The following RORB variants were observed in gnomAD, a reference collection of about 807,000 sequenced individuals.
RORB encodes nuclear receptor ROR-beta.
RORB carries 6 observed loss-of-function variants against 59.1 expected under a neutral mutation model. That is an observed-to-expected ratio of 0.10 (90% CI 0.06 to 0.20). RORB has a LOEUF of 0.20. Among genes scored for constraint, RORB ranks in the 10% least tolerant of loss-of-function variants. The pLI, the probability that RORB is intolerant of heterozygous loss-of-function variation, is 1.00. For missense variants in RORB, 320 were observed against 560.5 expected, an observed-to-expected ratio of 0.57 and a Z score of 4.33; for synonymous variants, 215 against 204.5, an observed-to-expected ratio of 1.05 and a Z score of -0.44.
chr9:74,543,023 T>A (rs977595105), intron 1 of RORB, among the ~76,000 whole-genome samples: 1 of 152,258 alleles, frequency 6.6e-6, no homozygotes, highest in African/African-American at 2.4e-5. Flanking sequence ...CCCAGCATAC[T>A]GCCTGGCATA....
intron 7 of RORB, 121 bp downstream of exon 7, chr9:74,665,716 T>A (rs548065475): frequency 4.6e-6 from 3 of 653,974 alleles, no homozygotes; most frequent in Non-Finnish European, 8.2e-6. Context: ...CATTATTCGA[T>A]AAGCGATGGA....
intron 8 of RORB, among the ~76,000 whole-genome samples, chr9:74,670,505 A>T (rs929108803): frequency 1.3e-5 from 2 of 152,224 alleles, no homozygotes; most frequent in Non-Finnish European, 2.9e-5. Context: ...TTTCTAGAAA[A>T]AAAACATACT....
intron 1 of RORB, among the ~76,000 whole-genome samples, chr9:74,628,523 G>GT (rs1231591981): frequency 6.6e-6 from 1 of 151,970 alleles, no homozygotes; most frequent in Non-Finnish European, 1.5e-5. Context: ...CAACACTGAG[G>GT]TTTTTTGCTT....
rs77801738 is a variant in RORB at position 74,550,470 on chromosome 9, G to A, written c.7+52487G>A. On this transcript the variant is annotated intron_variant, in intron 1 of 9. Coordinates refer to ENST00000376896, the MANE Select transcript of RORB (RefSeq NM_006914.4). ...GTAAGCTTTGAAAGCTCTACAAGTGGTCTTATCGACTAGCTAGGGTTGAGA... is the reference window on the plus strand; with the variant it reads ...GTAAGCTTTGAAAGCTCTACAAGTGATCTTATCGACTAGCTAGGGTTGAGA... Among the ~76,000 whole-genome samples, 939 of 152,286 alleles carry A rather than the reference G, an allele frequency of 6.2e-3. 9 individuals are homozygous for A. Among genetic ancestry groups the A allele is most frequent in the African/African-American group, 0.021 (885 of 41,552 alleles).
chr9:74,542,775 C>T (rs1587351338), intron 1 of RORB, among the ~76,000 whole-genome samples: 1 of 152,254 alleles, frequency 6.6e-6, no homozygotes, highest in Non-Finnish European at 1.5e-5. Context: ...CTCCCAAGAA[C>T]ACATTTCTCA....
chr9:74,602,233 C>G (rs1823070492), intron 1 of RORB, among the ~76,000 whole-genome samples: 1 of 152,154 alleles, frequency 6.6e-6, no homozygotes, highest in Non-Finnish European at 1.5e-5. Flanking sequence ...CTTTTTTCCT[C>G]AGATAAAAAT....
At chr9:74,677,313 G>A (rs970853929) in intron 9 of RORB, among the ~76,000 whole-genome samples, 24 of 152,062 alleles carry the variant, frequency 1.6e-4, no homozygotes, top group African/African-American at 5.8e-4. Flanking sequence ...ACTACTTTGG[G>A]CATCTATGGT....
At chr9:74,634,523 T>G (rs1459280910) in intron 2 of RORB, 108 bp from the exon 3 acceptor site, 1 of 1,022,910 alleles carries the variant, frequency 9.8e-7, no homozygotes, top group Non-Finnish European at 1.3e-6. Flanking sequence ...GCTTTAAAAA[T>G]TAAACTCAGT....
chr9:74,654,333 GGAGAGAGAGAGA>G (rs60137307), intron 4 of RORB, among the ~76,000 whole-genome samples: 30,601 of 138,694 alleles, frequency 0.22, 3,499 homozygotes, highest in African/African-American at 0.32. Context: ...CAGTCTCAGG[GGAGAGAGAGAGA>G]GAGAGAGAGA....
chr9:74,690,557 A>G lies in RORB; in HGVS notation c.*4939A>G, dbSNP rs1408280038. The G allele has an allele frequency of 1.3e-5, 2 of 152,250 alleles. No individual in the cohort carries two copies. Among genetic ancestry groups the G allele is most frequent in the Non-Finnish European group, 2.9e-5 (2 of 68,070 alleles). The allele number at this position is 152,250 out of a possible 1,614,324, so 9.4% of individuals were successfully genotyped here. ...TACATCACTGAGCAGAAGAGGGCCC[A>G]TAGATCGTCAGCTTGCAGCCTCTGG... On this transcript the variant is annotated 3_prime_UTR_variant, in exon 10 of 10. Coordinates refer to ENST00000376896, the MANE Select transcript of RORB (RefSeq NM_006914.4).
At chr9:74,628,048 T>C (rs1823550153) in intron 1 of RORB, among the ~76,000 whole-genome samples, 1 of 152,156 alleles carries the variant, frequency 6.6e-6, no homozygotes, top group East Asian at 1.9e-4. Flanking sequence ...TCTATGAAGT[T>C]TGTCAGTTAA....
chr9:74,660,808 AT>A, intron 5 of RORB, 70 bp downstream of exon 5: 1 of 1,501,402 alleles, frequency 6.7e-7, no homozygotes, highest in South Asian at 1.3e-5. Context: ...GCTCAGCACT[AT>A]TGGCATGTTG....
At chr9:74,594,482 A>G (rs1822944146) in intron 1 of RORB, among the ~76,000 whole-genome samples, 1 of 152,246 alleles carries the variant, frequency 6.6e-6, no homozygotes, top group Non-Finnish European at 1.5e-5. Context: ...CATGAAAATC[A>G]TATATAAAAT....
chr9:74,578,059 A>T (rs964891261), intron 1 of RORB, among the ~76,000 whole-genome samples: 16 of 150,580 alleles, frequency 1.1e-4, no homozygotes, highest in African/African-American at 3.9e-4. Flanking sequence ...AGGACCTGAG[A>T]AGGTAAGTGG....
chr9:74,603,997 G>A (rs1050970984), intron 1 of RORB, among the ~76,000 whole-genome samples: 2 of 152,228 alleles, frequency 1.3e-5, no homozygotes, highest in Non-Finnish European at 2.9e-5. Context: ...GAACGGATCA[G>A]TGCAAGCTGG....
intron 1 of RORB, among the ~76,000 whole-genome samples, chr9:74,624,621 T>G (rs965331392): frequency 5.3e-5 from 8 of 152,202 alleles, no homozygotes; most frequent in Non-Finnish European, 1.2e-4. Flanking sequence ...CACAGACCTT[T>G]GGCTTTGTTA....
intron 1 of RORB, among the ~76,000 whole-genome samples, chr9:74,528,752 A>C: frequency 6.6e-6 from 1 of 151,892 alleles, no homozygotes. Context: ...TCTATGTCCT[A>C]TGCTTTAGAT....
intron 9 of RORB, among the ~76,000 whole-genome samples, chr9:74,679,624 C>T (rs1359854530): frequency 6.6e-6 from 1 of 152,116 alleles, no homozygotes; most frequent in African/African-American, 2.4e-5. Flanking sequence ...GTGAATAACA[C>T]ATGGCAGGTT....
intron 1 of RORB, among the ~76,000 whole-genome samples, chr9:74,580,495 T>C (rs528392097): frequency 6.6e-6 from 1 of 152,142 alleles, no homozygotes; most frequent in African/African-American, 2.4e-5. Flanking sequence ...AAGACAAGAG[T>C]AAAGTCTCAT....
Sources: gnomAD v4.1 joint callset for allele counts (sites outside exome capture counted in the v4.1 genomes callset) on GRCh38, gnomAD v4.1.1 for gene constraint, MANE v1.5 for transcripts, NCBI Gene and HGNC (gene_info 2026-07-23, HGNC 2026-07-21) for gene names.